SS18: variants seen among roughly 807,000 people sequenced by gnomAD.
SS18 encodes the protein protein SSXT.
A neutral mutation model predicts 72.5 loss-of-function variants in SS18; 28 were observed. That is an observed-to-expected ratio of 0.39 (90% CI 0.29 to 0.53). The LOEUF (loss-of-function observed/expected upper bound fraction) is 0.53. Among genes scored for constraint, SS18 ranks in the 20% least tolerant of loss-of-function variants. The pLI is 0.76. For synonymous variants in SS18, 172 were observed against 164.2 expected (o/e 1.05, Z -0.37); for missense variants, 518 against 535.3 (o/e 0.97, Z 0.32).
upstream of SS18, chr18:26,090,619 G>C (rs749851842): frequency 1.3e-6 from 2 of 1,531,700 alleles, no homozygotes; most frequent in Non-Finnish European, 8.8e-7. Context: ...CGGGTGAACG[G>C]CAAACTGGGG....
chr18:26,090,555 G>A lies in SS18; in HGVS notation c.15C>T (p.Phe5=). The A allele has an allele frequency of 1.9e-6, 3 of 1,586,396 alleles. No individual in the cohort carries two copies. The highest frequency in any genetic ancestry group is 1.2e-5 in the South Asian group (1 of 86,656). MSVA[F]AAPRQRGKGE... is the part of the protein sequence containing the mutation. ...CCTTGCCTCGCTGCCTCGGGGCCGC[G>A]AAAGCCACAGACATGTTGCCGCCGT... Residue 5 remains phenylalanine, a synonymous_variant, in exon 1 of 11, where the codon TTC becomes TTT. Coordinates refer to ENST00000415083, the MANE Select transcript of SS18 (RefSeq NM_001007559.3).
At chr18:26,022,923 T>C (rs1242810146) in intron 10 of SS18, among the ~76,000 whole-genome samples, 3 of 152,236 alleles carry the variant, frequency 2.0e-5, no homozygotes, top group African/African-American at 4.8e-5. Flanking sequence ...TCAAAGGGCA[T>C]TGGGCAAAAC....
intron 10 of SS18, among the ~76,000 whole-genome samples, chr18:26,031,769 G>C (rs776147792): frequency 6.6e-6 from 1 of 152,196 alleles, no homozygotes; most frequent in Admixed American, 6.5e-5. Flanking sequence ...AGTTACGTGT[G>C]TGGAAGGAGG....
At chr18:26,090,265 G>C (rs901842697) in intron 1 of SS18, 1 of 552,414 alleles carries the variant, frequency 1.8e-6, no homozygotes, top group African/African-American at 2.0e-5. Context: ...GGCTGTTTGG[G>C]CTTTTGTGTC....
chr18:26,035,172 T>A lies in SS18; in HGVS notation c.974-45A>T. Reference sequence around the variant, plus strand: ...GAGGAAAAAAAACTGAGAAGTCTGCTTAAGTAACTTTTTTCCCTCTAAGAT... The same window carrying A: ...GAGGAAAAAAAACTGAGAAGTCTGCATAAGTAACTTTTTTCCCTCTAAGAT... On this transcript the variant is annotated intron_variant, in intron 8 of 10. Transcript: ENST00000415083. This position sits in a 1 kb window ranked among gnomAD's most constrained non-coding sequence, Gnocchi z 4.4. The A allele has an allele frequency of 6.2e-7, 1 of 1,601,354 alleles. No homozygotes were observed. Among genetic ancestry groups the A allele is most frequent in the Non-Finnish European group, 8.5e-7 (1 of 1,172,562 alleles).
At chr18:26,088,058 A>G (rs2144197818) in intron 1 of SS18, among the ~76,000 whole-genome samples, 1 of 152,300 alleles carries the variant, frequency 6.6e-6, no homozygotes, top group South Asian at 2.1e-4. Context: ...TATATATGAC[A>G]GCTCACCGCA....
Position 26,078,166 on chromosome 18 carries a change from A to G in SS18, c.147-6T>C. The G allele has an allele frequency of 6.2e-7, 1 of 1,600,396 alleles. No homozygotes were observed. Among genetic ancestry groups the G allele is most frequent in the Non-Finnish European group, 8.5e-7 (1 of 1,170,778 alleles). ...TGTGCAACATCTGCTGATACCTATTAAAACAAAACAAGTATCAGTATTAAA... is the reference window on the plus strand; with the variant it reads ...TGTGCAACATCTGCTGATACCTATTGAAACAAAACAAGTATCAGTATTAAA... On this transcript the variant is annotated splice_region_variant and splice_polypyrimidine_tract_variant and intron_variant, in intron 2 of 10. Transcript: ENST00000415083.
At chr18:26,058,639 GGC>G (rs573583589) in intron 3 of SS18, among the ~76,000 whole-genome samples, 3 of 152,160 alleles carry the variant, frequency 2.0e-5, no homozygotes, top group Admixed American at 2.0e-4. Flanking sequence ...AATTCTCTTT[GGC>G]ACACTTAATA....
intron 2 of SS18, chr18:26,080,278 C>A: frequency 1.1e-6 from 1 of 942,654 alleles, no homozygotes; most frequent in Non-Finnish European, 1.3e-6. Context: ...AAAAACCAAC[C>A]AGCCATTTTT....
In SS18 at chr18:26,018,203, A is replaced by C; in HGVS notation, c.*151T>G. ...AAAGCCTTTTATAACTAAACCACAA[A>C]GGCTGCTTACTGATGAAACAGCCAC... On this transcript the variant is annotated 3_prime_UTR_variant, in exon 11 of 11. Coordinates refer to ENST00000415083, the MANE Select transcript of SS18 (RefSeq NM_001007559.3). 1.7e-6 allele frequency: 1 copy of C among 594,736 alleles called. No homozygotes were observed. The highest frequency in any genetic ancestry group is 3.0e-6 in the Non-Finnish European group (1 of 338,874). The allele number at this position is 594,736 out of a possible 1,614,324, so 36.8% of individuals were successfully genotyped here.
At chr18:26,088,005 T>C (rs1677468274) in intron 1 of SS18, among the ~76,000 whole-genome samples, 1 of 152,226 alleles carries the variant, frequency 6.6e-6, no homozygotes. Context: ...TTTCTAGAAA[T>C]GTTTCATCTA....
chr18:26,018,395 T>A lies in SS18; in HGVS notation c.1231-15A>T, dbSNP rs1274895374. On this transcript the variant is annotated splice_polypyrimidine_tract_variant and intron_variant, in intron 10 of 10. Coordinates refer to ENST00000415083, the MANE Select transcript of SS18 (RefSeq NM_001007559.3). ...CCATACTGTCCCTAAAAGATAAATT[T>A]AAAAATATAATTAGATAATAGTTTG... 3 of 1,521,878 alleles carry A rather than the reference T, an allele frequency of 2.0e-6. No homozygotes were observed. The highest frequency in any genetic ancestry group is 1.4e-5 in the African/African-American group (1 of 71,942). The allele number at this position is 1,521,878 out of a possible 1,614,324, so 94.3% of individuals were successfully genotyped here.
chr18:26,046,191 C>CAAA (rs760639087), intron 5 of SS18, among the ~76,000 whole-genome samples: 49 of 43,920 alleles, frequency 1.1e-3, no homozygotes, highest in Non-Finnish European at 1.5e-3. Flanking sequence ...GACTCCGTCT[C>CAAA]AAAAAAAAAA....
intron 10 of SS18, among the ~76,000 whole-genome samples, chr18:26,031,401 C>A (rs1316260687): frequency 6.6e-6 from 1 of 152,152 alleles, no homozygotes. Context: ...AAACCAGATA[C>A]TGATGTTGGC....
intron 7 of SS18, among the ~76,000 whole-genome samples, chr18:26,037,275 A>T (rs1279581126): frequency 6.6e-6 from 1 of 152,078 alleles, no homozygotes; most frequent in African/African-American, 2.4e-5. Context: ...AACAATACAC[A>T]TGTCACATTT....
intron 1 of SS18, chr18:26,089,951 T>G (rs1363819877): frequency 6.5e-6 from 1 of 153,506 alleles, no homozygotes; most frequent in Non-Finnish European, 1.4e-5. Flanking sequence ...GGACCTTCCT[T>G]GCCCGCTCCT....
intron 10 of SS18, 140 bp from the exon 11 acceptor site, chr18:26,018,520 T>G (rs765605506): frequency 5.2e-6 from 3 of 574,178 alleles, no homozygotes; most frequent in Non-Finnish European, 9.1e-6. Context: ...TTTTATATCG[T>G]TAGGTATACA....
chr18:26,035,122 A>C lies in SS18; in HGVS notation c.979T>G (p.Ser327Ala). Residue 327 changes from serine (S) to alanine (A), a missense_variant, in exon 9 of 11, where the codon TCA becomes GCA. Physicochemically the swap from Ser to Ala is moderately conservative, Grantham distance 99. Coordinates refer to ENST00000415083, the MANE Select transcript of SS18 (RefSeq NM_001007559.3). This position sits in a 1 kb window ranked among gnomAD's most constrained non-coding sequence, Gnocchi z 4.4. ...SSQHYYEGGNSQYGQQQDAYQ... is the reference protein window; with the variant it reads ...SSQHYYEGGNAQYGQQQDAYQ... ...GCATCTTGCTGTTGGCCATACTGTGAATTTCCTACAGGATAATTGGAGAAG... is the reference window on the plus strand; with the variant it reads ...GCATCTTGCTGTTGGCCATACTGTGCATTTCCTACAGGATAATTGGAGAAG... 2 of 1,612,792 alleles carry C rather than the reference A, an allele frequency of 1.2e-6. No individual in the cohort carries two copies. The highest frequency in any genetic ancestry group is 1.1e-5 in the South Asian group (1 of 90,958).
rs546524574 is a variant in SS18 at position 26,023,465 on chromosome 18, A to G, written c.1231-5085T>C. 8 of 363,324 alleles carry G rather than the reference A, an allele frequency of 2.2e-5. No individual in the cohort carries two copies. In the East Asian group the frequency reaches 2.5e-4, roughly 11 times the overall value. The allele number at this position is 363,324 out of a possible 1,614,324, so 22.5% of individuals were successfully genotyped here. ...AAGAGAGAAATTTCTTCAATCAAAC[A>G]ATTTGATAAAGGGAAAATCTTAAAA... On this transcript the variant is annotated intron_variant, in intron 10 of 10. Transcript: ENST00000415083.
Sources: gnomAD v4.1 joint callset for allele counts (sites outside exome capture counted in the v4.1 genomes callset) on GRCh38, gnomAD v4.1.1 for gene constraint, Gnocchi (gnomAD v3.1) non-coding constraint, MANE v1.5 for transcripts, NCBI Gene and HGNC (gene_info 2026-07-23, HGNC 2026-07-21) for gene names.